NTRK3: variants seen among roughly 807,000 people sequenced by gnomAD.
NTRK3 encodes neurotrophic receptor tyrosine kinase 3, also known as NT-3 growth factor receptor.
In NTRK3, 24 loss-of-function variants were observed where a neutral mutation model predicts 91.7. The ratio of observed to expected loss-of-function variants is 0.26; its 90% CI spans 0.19 to 0.37. The LOEUF (loss-of-function observed/expected upper bound fraction) is 0.37, where lower values mean the gene tolerates loss of function less well. Among genes scored for constraint, NTRK3 ranks in the 10% least tolerant of loss-of-function variants. The pLI is 1.00. For synonymous variants in NTRK3, 483 were observed against 404.0 expected, an observed-to-expected ratio of 1.20 and a Z score of -2.34; for missense variants, 880 against 1,068.9, an observed-to-expected ratio of 0.82 and a Z score of 2.46.
chr15:88,246,572 T>C (rs1157668834), intron 3 of NTRK3, among the ~76,000 whole-genome samples: 1 of 152,174 alleles, frequency 6.6e-6, no homozygotes, highest in Non-Finnish European at 1.5e-5. Context: ...ACTTCTCTAT[T>C]AAGCCTGTGG....
Position 88,235,059 on chromosome 15 carries a change from C to G in NTRK3, c.248+20847G>C, listed in dbSNP as rs2051570523. ...ATCCATTCTCCGAGAGCCCAGACGCCCTACCCTTACACAAAGGCAGCCTCC... is the reference window on the plus strand; with the variant it reads ...ATCCATTCTCCGAGAGCCCAGACGCGCTACCCTTACACAAAGGCAGCCTCC... On this transcript the variant is annotated intron_variant, in intron 3 of 18. Coordinates refer to ENST00000394480, the Ensembl canonical transcript of NTRK3. This position sits in a 1 kb window ranked among gnomAD's most constrained non-coding sequence, Gnocchi z 5.2. 6.6e-6 allele frequency among the ~76,000 whole-genome samples: 1 copy of G among 152,174 alleles called. No individual in the cohort carries two copies. Among genetic ancestry groups the G allele is most frequent in the African/African-American group, 2.4e-5 (1 of 41,450 alleles).
At chr15:88,144,232 A>G (rs1002324369) in intron 6 of NTRK3, 1 of 152,178 alleles carries the variant, frequency 6.6e-6, no homozygotes. Flanking sequence ...AATTTTTCCA[A>G]CCTGTGCCAT....
rs1251272503 is a variant in NTRK3 at position 87,969,700 on chromosome 15, GC to G, written c.1586-28948del. On this transcript the variant is annotated intron_variant, in intron 14 of 18. Coordinates refer to ENST00000394480, the Ensembl canonical transcript of NTRK3. ...CTCTCCCTCCTCCTCTCCCTCCCTA[GC>G]CAGCCCAGGCAACTCCCTGGAGAAT... Among the ~76,000 whole-genome samples, 13 of 152,142 alleles carry G rather than the reference GC, an allele frequency of 8.5e-5. No homozygotes were observed. In the South Asian group the frequency reaches 2.5e-3, roughly 29 times the overall value.
chr15:87,932,243 C>A (rs1247530275), intron 16 of NTRK3, among the ~76,000 whole-genome samples: 1 of 152,174 alleles, frequency 6.6e-6, no homozygotes, highest in Non-Finnish European at 1.5e-5. Flanking sequence ...ACCCTTCTTA[C>A]AACAAATCCT....
At chr15:88,034,741 A>AC (rs2078920259) in intron 13 of NTRK3, among the ~76,000 whole-genome samples, 2 of 152,162 alleles carry the variant, frequency 1.3e-5, no homozygotes, top group African/African-American at 4.8e-5. Context: ...CCTGAATTCC[A>AC]CTCCATCAGC....
intron 5 of NTRK3, among the ~76,000 whole-genome samples, chr15:88,167,722 T>A (rs1338043492): frequency 1.3e-5 from 2 of 152,086 alleles, no homozygotes; most frequent in Non-Finnish European, 2.9e-5. Context: ...CGACTCCATG[T>A]CCTCCTGCCA....
chr15:88,051,210 C>T (rs557144636), intron 13 of NTRK3, among the ~76,000 whole-genome samples: 6 of 152,294 alleles, frequency 3.9e-5, no homozygotes. Context: ...TTGATGCCGA[C>T]AACCCACCTG....
intron 4 of NTRK3, 65 bp from the exon 5 acceptor site, chr15:88,183,554 A>C (rs2046698739): frequency 1.4e-6 from 2 of 1,470,814 alleles, no homozygotes; most frequent in Admixed American, 1.7e-5. Context: ...CTCTGGGCTG[A>C]GGCTGGCAGG....
rs1596493457 is a variant in NTRK3, at chr15:87,978,237, A to G, written c.1586-37484T>C. ...GGGGGAAGCGAGCCCCCTCTTTGGG[A>G]GAGGGTGGCCATGGAGTAAGGCATG... On this transcript the variant is annotated intron_variant, in intron 14 of 18. Transcript: ENST00000394480. The G allele has an allele frequency of 1.7e-5, 4 of 230,874 alleles. No individual in the cohort carries two copies. In the East Asian group the frequency reaches 2.5e-4, roughly 14 times the overall value. 14.3% of individuals were successfully genotyped at this position (230,874 alleles called of 1,614,324 possible). A position where few individuals can be genotyped will look rare whatever the true frequency, so the allele number is the denominator to read the frequency against.
rs1217819246 is a variant in NTRK3 at position 87,874,786 on chromosome 15, A to AT, written c.*2148dup. On this transcript the variant is annotated 3_prime_UTR_variant, in exon 19 of 19. Coordinates refer to ENST00000394480, the Ensembl canonical transcript of NTRK3. ...TTCAGCCAGAACTCACAGCCCCGGC[A>AT]TAACGGTCCTCTAGGTGGAAAGACA... 13 of 232,120 alleles carry AT rather than the reference A, an allele frequency of 5.6e-5. No individual in the cohort carries two copies. The East Asian group carries it at 7.9e-4, about 14-fold the overall frequency. The allele number at this position is 232,120 out of a possible 1,614,324, so 14.4% of individuals were successfully genotyped here. A position where few individuals can be genotyped will look rare whatever the true frequency, so the allele number is the denominator to read the frequency against.
At chr15:87,955,699 T>C (rs753033538) in intron 14 of NTRK3, among the ~76,000 whole-genome samples, 3 of 152,130 alleles carry the variant, frequency 2.0e-5, no homozygotes, top group African/African-American at 4.8e-5. Flanking sequence ...GGCACGACCA[T>C]TGGCCCCATT....
chr15:87,927,269 A>C (rs1310523320), intron 17 of NTRK3: 1 of 152,234 alleles, frequency 6.6e-6, no homozygotes, highest in African/African-American at 2.4e-5. Context: ...ACAACAAACA[A>C]GTCATTTTCT....
At chr15:88,249,780 G>A (rs1002804130) in intron 3 of NTRK3, among the ~76,000 whole-genome samples, 4 of 152,094 alleles carry the variant, frequency 2.6e-5, no homozygotes, top group African/African-American at 9.7e-5. Context: ...GAGGATTTGT[G>A]TTCCTCAAAG....
intron 14 of NTRK3, chr15:87,978,784 C>A (rs1370840634): frequency 4.3e-6 from 1 of 234,966 alleles, no homozygotes; most frequent in Non-Finnish European, 8.4e-6. Flanking sequence ...TAACTTGGTG[C>A]CAATACTTGA....
At chr15:88,139,074 T>C (rs1355798561) in intron 6 of NTRK3, among the ~76,000 whole-genome samples, 1 of 152,166 alleles carries the variant, frequency 6.6e-6, no homozygotes, top group Non-Finnish European at 1.5e-5. Flanking sequence ...ATGGGCTGAG[T>C]GCTGCTGACA....
At chr15:88,116,509 G>A (rs1330969361) in intron 13 of NTRK3, among the ~76,000 whole-genome samples, 1 of 152,112 alleles carries the variant, frequency 6.6e-6, no homozygotes, top group Non-Finnish European at 1.5e-5. Context: ...GACCTTTGAG[G>A]TAGGTTCATT....
rs2073979279 is a variant in NTRK3 at position 87,979,121 on chromosome 15, A to C, written c.1586-38368T>G. 5.0e-6 allele frequency: 3 copies of C among 603,960 alleles called. No homozygotes were observed. In the South Asian group the frequency reaches 6.1e-5, roughly 12 times the overall value. The allele number at this position is 603,960 out of a possible 1,614,324, so 37.4% of individuals were successfully genotyped here. On this transcript the variant is annotated intron_variant, in intron 14 of 18. Transcript: ENST00000394480. ...GCAGGAGCTGCCTCGTAGGCCGGGA[A>C]AAAAGGAGCACAGTGATGATTGGAG...
exon 19 of NTRK3, chr15:87,862,451 G>A (rs2064553440): frequency 4.4e-6 from 1 of 228,166 alleles, no homozygotes; most frequent in Non-Finnish European, 8.7e-6. Flanking sequence ...TCAGAGCCTT[G>A]GATGGTACAG....
At chr15:87,913,065 C>A (rs953070386) in intron 17 of NTRK3, among the ~76,000 whole-genome samples, 1 of 149,182 alleles carries the variant, frequency 6.7e-6, no homozygotes, top group African/African-American at 2.4e-5. Context: ...CTACTAAACA[C>A]CTTGGCAGTG....
Sources: gnomAD v4.1 joint callset for allele counts (sites outside exome capture counted in the v4.1 genomes callset) on GRCh38, gnomAD v4.1.1 for gene constraint, Gnocchi (gnomAD v3.1) non-coding constraint, MANE v1.5 for transcripts, NCBI Gene and HGNC (gene_info 2026-07-23, HGNC 2026-07-21) for gene names.